TAX1BP1: variants seen among roughly 807,000 people sequenced by gnomAD.
TAX1BP1 encodes the protein tax1-binding protein 1.
Under a neutral mutation model 97.7 loss-of-function variants are expected in TAX1BP1, and 62 were observed. That is an observed-to-expected ratio of 0.63 (90% CI 0.52 to 0.78). TAX1BP1 has a LOEUF of 0.78. TAX1BP1 is among the 30% of genes least tolerant of loss of function. The pLI is 0.00. For synonymous variants in TAX1BP1, 340 were observed against 304.2 expected, an observed-to-expected ratio of 1.12 and a Z score of -1.23; for missense variants, 867 against 916.1, an observed-to-expected ratio of 0.95 and a Z score of 0.69.
At chr7:27,779,083 TTTTGAGG>T (rs1389844530) in intron 5 of TAX1BP1, among the ~76,000 whole-genome samples, 1 of 152,136 alleles carries the variant, frequency 6.6e-6, no homozygotes, top group Non-Finnish European at 1.5e-5. Context: ...TGTTTAATGA[TTTTGAGG>T]TTCATCCATA....
chr7:27,805,014 TGGTACCTTCAAGGTA>T (rs1790282998), intron 13 of TAX1BP1, among the ~76,000 whole-genome samples: 1 of 152,200 alleles, frequency 6.6e-6, no homozygotes, highest in Non-Finnish European at 1.5e-5. Context: ...GGTGTTGGGG[TGGTACCTTCAAGGTA>T]AATTCCTAGA....
chr7:27,798,008 C>A (rs1339766522), intron 12 of TAX1BP1, among the ~76,000 whole-genome samples: 2 of 152,022 alleles, frequency 1.3e-5, no homozygotes, highest in African/African-American at 4.8e-5. Context: ...GCAACACATC[C>A]CTTTCGTTAT....
chr7:27,778,207 G>A (rs745612244), intron 5 of TAX1BP1, among the ~76,000 whole-genome samples: 6 of 152,178 alleles, frequency 3.9e-5, no homozygotes, highest in Non-Finnish European at 8.8e-5. Flanking sequence ...ACACTGCAAT[G>A]TATGTAAATG....
intron 10 of TAX1BP1, 93 bp from the exon 11 acceptor site, chr7:27,794,230 T>C (rs926314206): frequency 1.8e-6 from 2 of 1,128,658 alleles, no homozygotes; most frequent in Non-Finnish European, 2.4e-6. Context: ...TTTCCTAAAG[T>C]AATATGTAAA....
chr7:27,815,257 C>T (rs948497616), intron 13 of TAX1BP1, among the ~76,000 whole-genome samples: 2 of 152,060 alleles, frequency 1.3e-5, no homozygotes, highest in Non-Finnish European at 2.9e-5. Flanking sequence ...CATTAAGGGT[C>T]ACAGTAGGTT....
chr7:27,809,941 T>C (rs960065802), intron 13 of TAX1BP1, among the ~76,000 whole-genome samples: 1 of 151,944 alleles, frequency 6.6e-6, no homozygotes, highest in Non-Finnish European at 1.5e-5. Flanking sequence ...AGAATCTTGC[T>C]CTGTCACCTA....
chr7:27,795,424 A>C (rs1265873637), intron 11 of TAX1BP1, among the ~76,000 whole-genome samples: 1 of 152,204 alleles, frequency 6.6e-6, no homozygotes, highest in Non-Finnish European at 1.5e-5. Flanking sequence ...CCTGGGCAAC[A>C]TAGTGAGACC....
In TAX1BP1 at chr7:27,769,206, C is replaced by T. The variant is rs1273871560; in HGVS notation, c.454-470C>T. Reference sequence around the variant, plus strand: ...TACATTTCTTGGTGTCTTAAGGAATCAGCACTTTTAGTAGTAATTCCATAG... The same window carrying T: ...TACATTTCTTGGTGTCTTAAGGAATTAGCACTTTTAGTAGTAATTCCATAG... On this transcript the variant is annotated intron_variant, in intron 4 of 16. Coordinates refer to ENST00000396319, the MANE Select transcript of TAX1BP1 (RefSeq NM_006024.7). Among the ~76,000 whole-genome samples, 4 of 151,866 alleles carry T rather than the reference C, an allele frequency of 2.6e-5. No individual in the cohort carries two copies. The East Asian group carries it at 7.7e-4, about 29-fold the overall frequency.
chr7:27,785,763 A>C (rs1423600036), intron 7 of TAX1BP1, among the ~76,000 whole-genome samples: 1 of 152,232 alleles, frequency 6.6e-6, no homozygotes, highest in East Asian at 1.9e-4. Flanking sequence ...GGCTGCTTGA[A>C]TATCCTCACA....
At chr7:27,801,103 C>CA (rs747004641) in intron 13 of TAX1BP1, among the ~76,000 whole-genome samples, 3,785 of 47,924 alleles carry the variant, frequency 0.079, 133 homozygotes, top group African/African-American at 0.17. Flanking sequence ...GACTCCGTCT[C>CA]AAAAAAAAAA....
At chr7:27,765,473 C>T (rs1788597813) in intron 3 of TAX1BP1, among the ~76,000 whole-genome samples, 1 of 152,072 alleles carries the variant, frequency 6.6e-6, no homozygotes. Flanking sequence ...GACATATTCC[C>T]ACCCCCACTC....
At chr7:27,795,171 G>C (rs1377191043) in intron 11 of TAX1BP1, among the ~76,000 whole-genome samples, 2 of 152,158 alleles carry the variant, frequency 1.3e-5, no homozygotes, top group African/African-American at 4.8e-5. Flanking sequence ...AAACATCTTA[G>C]ACTATTAAAT....
intron 12 of TAX1BP1, among the ~76,000 whole-genome samples, chr7:27,796,975 G>A (rs907788739): frequency 2.6e-5 from 4 of 151,570 alleles, no homozygotes; most frequent in African/African-American, 9.7e-5. Context: ...CTCTTACGGT[G>A]TTTATTTTGA....
intron 5 of TAX1BP1, 60 bp from the exon 6 acceptor site, chr7:27,785,103 A>G: frequency 2.0e-6 from 3 of 1,508,874 alleles, no homozygotes; most frequent in South Asian, 1.4e-5. Flanking sequence ...AAGATATGCA[A>G]ATTTGCTTTA....
At chr7:27,807,560 A>G (rs762803318) in intron 13 of TAX1BP1, among the ~76,000 whole-genome samples, 10 of 152,198 alleles carry the variant, frequency 6.6e-5, no homozygotes, top group Non-Finnish European at 1.3e-4. Flanking sequence ...CAGGAATACT[A>G]TAGAATTTAA....
intron 2 of TAX1BP1, among the ~76,000 whole-genome samples, chr7:27,751,749 G>A (rs555157061): frequency 6.6e-6 from 1 of 152,216 alleles, no homozygotes; most frequent in East Asian, 1.9e-4. Context: ...GAATGAAGAT[G>A]GGAAAGTAGT....
intron 1 of TAX1BP1, among the ~76,000 whole-genome samples, chr7:27,741,074 G>T (rs541663568): frequency 1.3e-5 from 2 of 152,334 alleles, no homozygotes; most frequent in South Asian, 4.1e-4. Flanking sequence ...GAAAACACTG[G>T]CATTTGACTT....
At chr7:27,752,280 A>G (rs914732097) in intron 2 of TAX1BP1, among the ~76,000 whole-genome samples, 3 of 152,224 alleles carry the variant, frequency 2.0e-5, no homozygotes, top group Non-Finnish European at 4.4e-5. Flanking sequence ...GCATCTCAGT[A>G]AGGAGGAGCA....
intron 3 of TAX1BP1, among the ~76,000 whole-genome samples, chr7:27,764,973 T>A (rs1375070844): frequency 6.8e-6 from 1 of 146,298 alleles, no homozygotes; most frequent in Non-Finnish European, 1.5e-5. Context: ...CCACAAGAAT[T>A]TCTCTTATCT....
Sources: allele counts gnomAD v4.1 joint callset (sites outside exome capture counted in the v4.1 genomes callset), GRCh38; gene constraint gnomAD v4.1.1; transcripts MANE v1.5; gene names NCBI Gene and HGNC (gene_info 2026-07-23, HGNC 2026-07-21).